The following IQGAP3 variants were observed in gnomAD, a reference collection of about 807,000 sequenced individuals.
IQGAP3 encodes the protein ras GTPase-activating-like protein IQGAP3.
IQGAP3 carries 165 observed loss-of-function variants against 208.2 expected under a neutral mutation model. The observed-to-expected ratio is 0.79, with a 90% CI of 0.70 to 0.90. The LOEUF (loss-of-function observed/expected upper bound fraction) is 0.90. Among genes scored for constraint, IQGAP3 ranks in the 40% least tolerant of loss-of-function variants. The probability of loss-of-function intolerance (pLI) is 0.00; values close to 1 mark genes in which losing one functional copy is unlikely to be tolerated. For synonymous variants in IQGAP3, 703 were observed against 803.6 expected (o/e 0.87, Z 2.12); for missense variants, 1,811 against 2,043.1 (o/e 0.89, Z 2.19).
rs760101690 is a variant in IQGAP3, at chr1:156,538,920, C to T, written c.3170G>A (p.Gly1057Asp). Residue 1057 changes from glycine to aspartate, a missense_variant, in exon 26 of 38, where the codon GGC becomes GAC. Transcript: ENST00000361170. ...TTCTAGCACATCCTGGATAACCTTGCCCAGAATCTCCTGCAGGGCACTCTG... is the reference window on the plus strand; with the variant it reads ...TTCTAGCACATCCTGGATAACCTTGTCCAGAATCTCCTGCAGGGCACTCTG... ...RGQSALQEIL[G>D]KVIQDVLEDK... 6.2e-6 allele frequency: 10 copies of T among 1,614,056 alleles called. No individual in the cohort carries two copies. In the South Asian group the frequency reaches 1.1e-4, roughly 18 times the overall value.
intron 10 of IQGAP3, 152 bp from the exon 11 acceptor site, chr1:156,561,173 GT>G (rs371964545): frequency 0.074 from 31,676 of 428,556 alleles, no homozygotes; most frequent in South Asian, 0.1. Flanking sequence ...CCTATTAACC[GT>G]TTTTTTTTTT....
At position 156,535,173 on chromosome 1, in the gene IQGAP3, T is replaced by C. The variant is rs1326447517; in HGVS notation, c.3497A>G (p.Glu1166Gly). 1 of 1,613,262 alleles carries C rather than the reference T, an allele frequency of 6.2e-7. No individual in the cohort carries two copies. Among genetic ancestry groups the C allele is most frequent in the South Asian group, 1.1e-5 (1 of 91,044 alleles). Reference sequence around the variant, plus strand: ...GGAGACAACACTTGCCTTATAGACCTCGCTGTCTGTGGCGTCAGGGAATTT... The same window carrying C: ...GGAGACAACACTTGCCTTATAGACCCCGCTGTCTGTGGCGTCAGGGAATTT... ...AEKFPDATDS[E>G]VYKVVGNLLY... Residue 1166 changes from glutamate to glycine, a missense_variant, in exon 28 of 38, where the codon GAG (glutamate) becomes GGG (glycine). Physicochemically the swap from Glu to Gly is moderately conservative, Grantham distance 98. Coordinates refer to ENST00000361170, the MANE Select transcript of IQGAP3 (RefSeq NM_178229.5).
rs761345354 is a variant in IQGAP3, at chr1:156,539,392, G to A, written c.3038C>T (p.Ala1013Val). 3.1e-6 allele frequency: 5 copies of A among 1,613,944 alleles called. No homozygotes were observed. The highest frequency in any genetic ancestry group is 4.2e-6 in the Non-Finnish European group (5 of 1,179,970). ...AYLLLQLFKT[A>V]LQEEIKSKVE... ...AGCCTACTTGATTTCCTCCTGGAGT[G>A]CTGTCTTGAACAGCTGGAGCAGGAG... Residue 1013 changes from alanine (A) to valine (V), a missense_variant, in exon 25 of 38, where the codon GCA becomes GTA. Coordinates refer to ENST00000361170, the MANE Select transcript of IQGAP3 (RefSeq NM_178229.5).
chr1:156,544,271 C>T, intron 20 of IQGAP3, 48 bp from the exon 21 acceptor site: 1 of 1,600,124 alleles, frequency 6.2e-7, no homozygotes, highest in South Asian at 1.1e-5. Flanking sequence ...GGCCCACCCT[C>T]ACTCAGTCTC....
intron 27 of IQGAP3, among the ~76,000 whole-genome samples, chr1:156,536,018 T>TA (rs1249871558): frequency 6.6e-6 from 1 of 152,248 alleles, no homozygotes. Context: ...CAAATGTAAT[T>TA]AAATTCATTT....
chr1:156,530,973 G>A (rs980948667), intron 33 of IQGAP3, among the ~76,000 whole-genome samples, 187 bp downstream of exon 33: 1 of 152,186 alleles, frequency 6.6e-6, no homozygotes, highest in African/African-American at 2.4e-5. Context: ...TCTGTAGCCC[G>A]AGGCTTCCCA....
intron 19 of IQGAP3, 147 bp downstream of exon 19, chr1:156,547,926 T>A (rs1675339910): frequency 1.4e-6 from 1 of 717,640 alleles, no homozygotes; most frequent in African/African-American, 1.8e-5. Flanking sequence ...CAAACATACA[T>A]GGTCTGGCTC....
intron 33 of IQGAP3, among the ~76,000 whole-genome samples, chr1:156,530,914 G>A (rs553758518): frequency 6.6e-6 from 1 of 152,274 alleles, no homozygotes; most frequent in South Asian, 2.1e-4. Context: ...CCCTAGTGTT[G>A]GTGCTTGTTT....
intron 19 of IQGAP3, among the ~76,000 whole-genome samples, chr1:156,546,315 G>A (rs570480913): frequency 2.0e-4 from 31 of 152,272 alleles, no homozygotes; most frequent in Admixed American, 1.4e-3. Flanking sequence ...CGGGCAAGAG[G>A]CTCAAGGCTC....
In IQGAP3 at chr1:156,539,825, G is replaced by A. The variant is rs1674888036; in HGVS notation, c.2892+13C>T. The stretch of plus-strand genomic sequence containing the variant: ...GACGGGAGAGACTTCTCCTTGGAAA[G>A]TCCTCTGCTAACCTGGAGCAGGTAG... On this transcript the variant is annotated intron_variant, in intron 24 of 37. Coordinates refer to ENST00000361170, the MANE Select transcript of IQGAP3 (RefSeq NM_178229.5). 1 of 1,614,030 alleles carries A rather than the reference G, an allele frequency of 6.2e-7. No homozygotes were observed.
Position 156,537,257 on chromosome 1 carries a change from C to A in IQGAP3, c.3346G>T (p.Asp1116Tyr), listed in dbSNP as rs375634104. The A allele has an allele frequency of 5.1e-5, 82 of 1,613,914 alleles. No individual in the cohort carries two copies. The highest frequency in any genetic ancestry group is 6.7e-5 in the Non-Finnish European group (79 of 1,179,964). Reference sequence around the variant, plus strand: ...GCGAGGAGGTTGCGTAGGGCGATGTCCAGTCGTCTCTGGACCTCGGGGTGG... The same window carrying A: ...GCGAGGAGGTTGCGTAGGGCGATGTACAGTCGTCTCTGGACCTCGGGGTGG... Reference protein sequence around the residue: ...LSHPEVQRRLDIALRNLLAMT... With the variant: ...LSHPEVQRRLYIALRNLLAMT... The change falls in exon 27 of 38, where the codon GAC becomes TAC. Residue 1116 changes from aspartate to tyrosine, a missense_variant. By Grantham distance (160) the Asp-to-Tyr change is radical. Transcript: ENST00000361170.
rs748745116 is a variant in IQGAP3, at chr1:156,566,430, G to A, written c.242C>T (p.Pro81Leu). 8.7e-6 allele frequency: 14 copies of A among 1,613,934 alleles called. No homozygotes were observed. Among genetic ancestry groups the A allele is most frequent in the South Asian group, 2.2e-5 (2 of 91,076 alleles). ...CTCCACATCGTAGATCTTCTTCAAG[G>A]GAACCACGGAGGGTGCAAAACAGTG... is the stretch of plus-strand genomic sequence containing the variant. ...LGHCFAPSVVPLKKIYDVEQL... is the reference protein window; with the variant it reads ...LGHCFAPSVVLLKKIYDVEQL... The change falls in exon 3 of 38, where the codon CCC becomes CTC. Residue 81 changes from proline to leucine, a missense_variant. Coordinates refer to ENST00000361170, the MANE Select transcript of IQGAP3 (RefSeq NM_178229.5).
chr1:156,547,892 C>A (rs537147309), intron 19 of IQGAP3, among the ~76,000 whole-genome samples, 181 bp downstream of exon 19: 1 of 152,184 alleles, frequency 6.6e-6, no homozygotes, highest in African/African-American at 2.4e-5. Flanking sequence ...GGTCACACAG[C>A]TAAGAGGTGG....
intron 20 of IQGAP3, 46 bp downstream of exon 20, chr1:156,544,343 G>C: frequency 6.4e-7 from 1 of 1,567,632 alleles, no homozygotes; most frequent in Non-Finnish European, 8.8e-7. Flanking sequence ...ATTGTTCTCA[G>C]ACGGTCCTTT....
intron 34 of IQGAP3, 41 bp downstream of exon 34, chr1:156,530,064 A>T: frequency 3.4e-6 from 5 of 1,469,310 alleles, no homozygotes; most frequent in Non-Finnish European, 4.7e-6. Context: ...ACACACACAC[A>T]CGTACACACA....
chr1:156,550,253 C>T lies in IQGAP3; in HGVS notation c.1825+8G>A. On this transcript the variant is annotated splice_region_variant and intron_variant, in intron 16 of 37. Coordinates refer to ENST00000361170, the MANE Select transcript of IQGAP3 (RefSeq NM_178229.5). ...CCCCTCCCAGGGTCCCCCAACCAGTCCATTTACTTCTCTGAGCTGTATTAG... is the reference window on the plus strand; with the variant it reads ...CCCCTCCCAGGGTCCCCCAACCAGTTCATTTACTTCTCTGAGCTGTATTAG... 6.2e-7 allele frequency: 1 copy of T among 1,602,220 alleles called. No homozygotes were observed.
chr1:156,568,314 A>G (rs1343860245), intron 2 of IQGAP3, among the ~76,000 whole-genome samples: 1 of 152,110 alleles, frequency 6.6e-6, no homozygotes, highest in African/African-American at 2.4e-5. Context: ...TCCTGGGTTC[A>G]AGCGATTCTC....
At chr1:156,562,809 G>C in intron 8 of IQGAP3, 144 bp from the exon 9 acceptor site, 1 of 790,118 alleles carries the variant, frequency 1.3e-6, no homozygotes, top group Non-Finnish European at 2.1e-6. Flanking sequence ...AGGAATTGTG[G>C]GGTCTAAAAC....
rs1277547601 is a variant in IQGAP3 at position 156,528,922 on chromosome 1, T to C, written c.4565A>G (p.Asp1522Gly). ...ACGGGAAAGCAGCACCTACTTGGAG[T>C]CGGGGGCCAGGTGGTCCAGGCAGGC... is the stretch of plus-strand genomic sequence containing the variant. ...IRACLDHLAPDSKSSGKGKKQ... is the reference protein window; with the variant it reads ...IRACLDHLAPGSKSSGKGKKQ... The change falls in exon 35 of 38, where the codon GAC becomes GGC. Residue 1522 changes from aspartate to glycine, a missense_variant. By Grantham distance (94) the Asp-to-Gly change is moderately conservative. Transcript: ENST00000361170. 2 of 1,613,896 alleles carry C rather than the reference T, an allele frequency of 1.2e-6. No homozygotes were observed. The highest frequency in any genetic ancestry group is 1.7e-6 in the Non-Finnish European group (2 of 1,179,946).
Sources: allele counts gnomAD v4.1 joint callset (sites outside exome capture counted in the v4.1 genomes callset), GRCh38; gene constraint gnomAD v4.1.1; transcripts MANE v1.5; gene names NCBI Gene and HGNC (gene_info 2026-07-23, HGNC 2026-07-21).